FYTTD1: variants seen among roughly 807,000 people sequenced by gnomAD.
FYTTD1 encodes forty-two-three domain containing 1.
In FYTTD1, 22 loss-of-function variants were observed where a neutral mutation model predicts 40.9. The observed-to-expected ratio is 0.54, with a 90% CI of 0.38 to 0.77. The LOEUF is 0.77. FYTTD1 is among the 30% of genes least tolerant of loss of function. The probability of loss-of-function intolerance (pLI) is 0.00; values close to 1 mark genes in which losing one functional copy is unlikely to be tolerated. For synonymous variants in FYTTD1, 140 were observed against 137.9 expected (o/e 1.01, Z -0.10); for missense variants, 351 against 392.2 (o/e 0.90, Z 0.89).
chr3:197,764,019 C>G (rs1729467360), intron 2 of FYTTD1, among the ~76,000 whole-genome samples: 1 of 152,064 alleles, frequency 6.6e-6, no homozygotes, highest in Admixed American at 6.6e-5. Flanking sequence ...TTTTTAAGCT[C>G]CATGGATGAT....
chr3:197,751,550 G>A (rs1207266945), intron 1 of FYTTD1, among the ~76,000 whole-genome samples: 2 of 152,132 alleles, frequency 1.3e-5, no homozygotes, highest in Non-Finnish European at 2.9e-5. Context: ...CATGAGAATA[G>A]CTGGAACCCG....
chr3:197,749,902 G>GC lies in FYTTD1; in HGVS notation c.-69dup. The stretch of plus-strand genomic sequence containing the variant: ...TCCCTCGGTGCGGCGGGCTGCGTGC[G>GC]CGAGTGGGAGGTGGCAGGCCTGCGA... On this transcript the variant is annotated 5_prime_UTR_variant, in exon 1 of 9. Coordinates refer to ENST00000241502, the MANE Select transcript of FYTTD1 (RefSeq NM_032288.7). 1.0e-6 allele frequency: 1 copy of GC among 968,214 alleles called. No homozygotes were observed. The highest frequency in any genetic ancestry group is 1.5e-6 in the Non-Finnish European group (1 of 687,354). 60.0% of individuals were successfully genotyped at this position (968,214 alleles called of 1,614,324 possible). A position where few individuals can be genotyped will look rare whatever the true frequency, so the allele number is the denominator to read the frequency against.
chr3:197,776,369 G>A (rs940384069), intron 6 of FYTTD1, among the ~76,000 whole-genome samples: 3 of 145,510 alleles, frequency 2.1e-5, no homozygotes, highest in African/African-American at 7.7e-5. Flanking sequence ...CACACCCCAC[G>A]CCCAGCTTAA....
At chr3:197,764,690 CAG>C (rs1355620208) in intron 2 of FYTTD1, among the ~76,000 whole-genome samples, 1 of 107,496 alleles carries the variant, frequency 9.3e-6, no homozygotes, top group Non-Finnish European at 1.8e-5. Context: ...GCCCGGGTGA[CAG>C]AGCGAGAGTC....
At chr3:197,768,323 A>G in intron 2 of FYTTD1, 116 bp from the exon 3 acceptor site, 1 of 696,260 alleles carries the variant, frequency 1.4e-6, no homozygotes, top group Non-Finnish European at 2.2e-6. Flanking sequence ...AAAAAACATA[A>G]ATAATAACAT....
Position 197,787,004 on chromosome 3 carries a change from G to T in FYTTD1, c.*5095G>T, listed in dbSNP as rs1451073609. ...AGTAGAAATGAGTTTTCACCATGTT[G>T]GCCAGGCTGGTCTCGAACTCCTACC... On this transcript the variant is annotated 3_prime_UTR_variant, in exon 9 of 9. Transcript: ENST00000241502. The T allele has an allele frequency of 6.6e-6, 1 of 152,046 alleles. No individual in the cohort carries two copies. Among genetic ancestry groups the T allele is most frequent in the African/African-American group, 2.4e-5 (1 of 41,388 alleles). 9.4% of individuals were successfully genotyped at this position (152,046 alleles called of 1,614,324 possible).
chr3:197,762,707 C>T (rs757999237), intron 2 of FYTTD1, among the ~76,000 whole-genome samples: 2 of 151,378 alleles, frequency 1.3e-5, no homozygotes, highest in African/African-American at 4.9e-5. Context: ...ACAGTGAAAC[C>T]CTGTCTCTAC....
intron 1 of FYTTD1, among the ~76,000 whole-genome samples, chr3:197,752,697 CAT>C (rs1293306572): frequency 6.6e-6 from 1 of 151,484 alleles, no homozygotes. Flanking sequence ...ACATACACTA[CAT>C]ATATGTGTGT....
At chr3:197,775,070 A>T (rs1162040636) in intron 6 of FYTTD1, among the ~76,000 whole-genome samples, 2 of 152,182 alleles carry the variant, frequency 1.3e-5, no homozygotes, top group African/African-American at 4.8e-5. Context: ...CATTTTAATG[A>T]AACAGCTTTT....
intron 2 of FYTTD1, among the ~76,000 whole-genome samples, chr3:197,763,271 G>A (rs562988598): frequency 1.4e-4 from 22 of 152,100 alleles, no homozygotes; most frequent in Admixed American, 6.5e-4. Context: ...ACAATTAGCC[G>A]GGTGTGGTGG....
At chr3:197,763,414 C>CAAAAA in intron 2 of FYTTD1, 3 of 237,882 alleles carry the variant, frequency 1.3e-5, no homozygotes, top group Non-Finnish European at 2.4e-5. Flanking sequence ...ACTCTTGTCT[C>CAAAAA]AAAAAAAAAA....
At chr3:197,776,653 G>A (rs1433029149) in intron 6 of FYTTD1, among the ~76,000 whole-genome samples, 1 of 151,606 alleles carries the variant, frequency 6.6e-6, no homozygotes, top group Non-Finnish European at 1.5e-5. Flanking sequence ...GTGGGGTGAG[G>A]GACTGTTGCT....
At position 197,760,374 on chromosome 3, in the gene FYTTD1, G is replaced by A. The variant is rs183617584; in HGVS notation, c.235+3817G>A. ...GGTAGAATGTATAGAGTGTTCTTCAGTGGTAGAATGTATAGAGTTGTTCTT... is the reference window on the plus strand; with the variant it reads ...GGTAGAATGTATAGAGTGTTCTTCAATGGTAGAATGTATAGAGTTGTTCTT... On this transcript the variant is annotated intron_variant, in intron 2 of 8. Transcript: ENST00000241502. Among the ~76,000 whole-genome samples, 64 of 152,218 alleles carry A rather than the reference G, an allele frequency of 4.2e-4. 1 individual carries two copies. In the East Asian group the frequency reaches 7.3e-3, roughly 17 times the overall value.
chr3:197,763,414 C>CAA lies in FYTTD1; in HGVS notation c.236-5010_236-5009dup, dbSNP rs749568528. 6.6e-3 allele frequency: 1,574 copies of CAA among 238,670 alleles called. 1 individual carries two copies. Among genetic ancestry groups the CAA allele is most frequent in the African/African-American group, 0.011 (366 of 32,510 alleles). 14.8% of individuals were successfully genotyped at this position (238,670 alleles called of 1,614,324 possible). A position where few individuals can be genotyped will look rare whatever the true frequency, so the allele number is the denominator to read the frequency against. ...GGGCGACAGAGTGAGACTCTTGTCTCAAAAAAAAAAAAAAAAGTTTTTATT... is the reference window on the plus strand; with the variant it reads ...GGGCGACAGAGTGAGACTCTTGTCTCAAAAAAAAAAAAAAAAAAGTTTTTATT... On this transcript the variant is annotated intron_variant, in intron 2 of 8. Coordinates refer to ENST00000241502, the MANE Select transcript of FYTTD1 (RefSeq NM_032288.7).
chr3:197,761,974 C>G (rs746553321), intron 2 of FYTTD1, among the ~76,000 whole-genome samples: 1 of 152,160 alleles, frequency 6.6e-6, no homozygotes, highest in African/African-American at 2.4e-5. Flanking sequence ...GAGTTCTCTT[C>G]CAGGTTGCAG....
At chr3:197,754,143 G>T (rs1263529508) in intron 1 of FYTTD1, among the ~76,000 whole-genome samples, 2 of 151,958 alleles carry the variant, frequency 1.3e-5, no homozygotes, top group African/African-American at 2.4e-5. Flanking sequence ...TACTCTCAAG[G>T]CTTGAGATTT....
In FYTTD1 at chr3:197,785,917, G is replaced by T. The variant is rs1400613793; in HGVS notation, c.*4008G>T. 6.7e-6 allele frequency: 1 copy of T among 149,480 alleles called. No individual in the cohort carries two copies. 9.3% of individuals were successfully genotyped at this position (149,480 alleles called of 1,614,324 possible). A position where few individuals can be genotyped will look rare whatever the true frequency, so the allele number is the denominator to read the frequency against. ...CTTTAGAGAGGGTTCTTTTTGGATA[G>T]ATCAATTTGGAACTAGCTTCTTTTT... On this transcript the variant is annotated 3_prime_UTR_variant, in exon 9 of 9. Transcript: ENST00000241502.
chr3:197,755,703 G>T, intron 1 of FYTTD1: 1 of 861,752 alleles, frequency 1.2e-6, no homozygotes, highest in South Asian at 1.7e-5. Flanking sequence ...GGTCAGGCCA[G>T]TCCCGAACTC....
intron 6 of FYTTD1, among the ~76,000 whole-genome samples, chr3:197,774,810 G>A (rs1381832751): frequency 1.4e-5 from 2 of 141,932 alleles, no homozygotes; most frequent in African/African-American, 2.6e-5. Context: ...TAGCTCGATC[G>A]CCAGTGCATA....
Sources: allele counts gnomAD v4.1 joint callset (sites outside exome capture counted in the v4.1 genomes callset), GRCh38; gene constraint gnomAD v4.1.1; transcripts MANE v1.5; gene names NCBI Gene and HGNC (gene_info 2026-07-23, HGNC 2026-07-21).